HMCN1: variants seen among roughly 807,000 people sequenced by gnomAD.
HMCN1 encodes hemicentin-1.
Under a neutral mutation model 625.9 loss-of-function variants are expected in HMCN1, and 321 were observed. The ratio of observed to expected loss-of-function variants is 0.51; its 90% CI spans 0.47 to 0.56. HMCN1 has a LOEUF of 0.56. Among genes scored for constraint, HMCN1 ranks in the 20% least tolerant of loss-of-function variants. The pLI, the probability that HMCN1 is intolerant of heterozygous loss-of-function variation, is 0.00. For missense variants in HMCN1, 6,588 were observed against 6,887.3 expected (o/e 0.96, Z 1.54); for synonymous variants, 2,425 against 2,417.6 (o/e 1.00, Z -0.09).
chr1:185,866,559 C>T (rs1663221475), intron 4 of HMCN1, among the ~76,000 whole-genome samples: 1 of 151,766 alleles, frequency 6.6e-6, no homozygotes, highest in Non-Finnish European at 1.5e-5. Flanking sequence ...CGCCCACCAC[C>T]ACGCCCGGCT....
intron 52 of HMCN1, among the ~76,000 whole-genome samples, chr1:186,072,847 A>G (rs1174448119): frequency 2.0e-5 from 3 of 152,244 alleles, no homozygotes; most frequent in Non-Finnish European, 4.4e-5. Context: ...GTTGGCCTTT[A>G]TTCTGACGGA....
intron 1 of HMCN1, among the ~76,000 whole-genome samples, chr1:185,818,447 A>G (rs1659976550): frequency 6.6e-6 from 1 of 152,158 alleles, no homozygotes; most frequent in South Asian, 2.1e-4. Context: ...AGATTAAGAC[A>G]CCTCAAAACT....
Position 185,805,898 on chromosome 1 carries a change from A to G in HMCN1, c.269-40128A>G, listed in dbSNP as rs551288170. Among the ~76,000 whole-genome samples the G allele has an allele frequency of 1.5e-4, 23 of 152,272 alleles. No individual in the cohort carries two copies. In the East Asian group the frequency reaches 4.1e-3, roughly 27 times the overall value. ...TCTAATCATTACCATTTGGTGCCAC[A>G]TTCATGGTTAGGGCATGGTTCATTT... On this transcript the variant is annotated intron_variant, in intron 1 of 106. Transcript: ENST00000271588.
chr1:186,105,461 C>T (rs1175350994), intron 69 of HMCN1, among the ~76,000 whole-genome samples: 1 of 152,110 alleles, frequency 6.6e-6, no homozygotes, highest in Non-Finnish European at 1.5e-5. Flanking sequence ...TTGCAAATTG[C>T]GAATTGTGTG....
rs142838458 is a variant in HMCN1 at position 185,826,590 on chromosome 1, G to C, written c.269-19436G>C. On this transcript the variant is annotated intron_variant, in intron 1 of 106. Transcript: ENST00000271588. ...AGGTGCACCAACTTTCTCAGACCCA[G>C]TTGGTTCTGAGCAGTAAAAAAGATG... 9.2e-5 allele frequency among the ~76,000 whole-genome samples: 14 copies of C among 152,284 alleles called. No individual in the cohort carries two copies. In the East Asian group the frequency reaches 2.1e-3, roughly 23 times the overall value.
At chr1:185,771,225 C>T (rs1487341355) in intron 1 of HMCN1, among the ~76,000 whole-genome samples, 2 of 152,146 alleles carry the variant, frequency 1.3e-5, no homozygotes, top group Non-Finnish European at 2.9e-5. Context: ...GCATCATGCC[C>T]AGCAGGCTAA....
chr1:185,993,928 T>C (rs1447886672), intron 23 of HMCN1, among the ~76,000 whole-genome samples: 1 of 152,082 alleles, frequency 6.6e-6, no homozygotes, highest in East Asian at 1.9e-4. Context: ...ACCACAATTG[T>C]GTCCCCATTG....
intron 105 of HMCN1, among the ~76,000 whole-genome samples, chr1:186,186,262 CTAATT>C (rs1653295640): frequency 6.6e-6 from 1 of 152,148 alleles, no homozygotes; most frequent in Non-Finnish European, 1.5e-5. Flanking sequence ...CTTCTGAAAT[CTAATT>C]TAAAATAGAG....
intron 1 of HMCN1, among the ~76,000 whole-genome samples, chr1:185,741,833 G>A (rs998660178): frequency 3.9e-5 from 6 of 152,198 alleles, no homozygotes; most frequent in African/African-American, 1.4e-4. Flanking sequence ...AATTCAAAGA[G>A]AATGGGAAAA....
chr1:186,083,844 T>G (rs1469111931), intron 57 of HMCN1, among the ~76,000 whole-genome samples: 1 of 152,138 alleles, frequency 6.6e-6, no homozygotes, highest in African/African-American at 2.4e-5. Flanking sequence ...CTTAGCACAG[T>G]GAGTAACACA....
intron 6 of HMCN1, among the ~76,000 whole-genome samples, chr1:185,921,406 T>A (rs1241552939): frequency 6.6e-6 from 1 of 152,208 alleles, no homozygotes; most frequent in African/African-American, 2.4e-5. Flanking sequence ...CAGGGAATAT[T>A]GCGTAGTTTG....
chr1:186,036,208 A>G lies in HMCN1; in HGVS notation c.5750-1726A>G, dbSNP rs112264944. ...TTATTTGTGCTCCTTATCCACTTAG[A>G]TATTTTAATTAAAAATAGTTTTAAC... On this transcript the variant is annotated intron_variant, in intron 36 of 106. Coordinates refer to ENST00000271588, the MANE Select transcript of HMCN1 (RefSeq NM_031935.3). 4.0e-4 allele frequency among the ~76,000 whole-genome samples: 61 copies of G among 152,142 alleles called. 1 individual carries two copies. Among genetic ancestry groups the G allele is most frequent in the African/African-American group, 1.7e-4 (7 of 41,426 alleles).
chr1:185,742,167 C>T (rs954040798), intron 1 of HMCN1, among the ~76,000 whole-genome samples: 3 of 152,032 alleles, frequency 2.0e-5, no homozygotes, highest in East Asian at 1.9e-4. Flanking sequence ...CTTGCTCGAC[C>T]GTCTGTTTCT....
chr1:185,897,554 C>T (rs947322680), intron 4 of HMCN1, among the ~76,000 whole-genome samples: 4 of 152,168 alleles, frequency 2.6e-5, no homozygotes, highest in African/African-American at 9.7e-5. Context: ...ATATTGCCTT[C>T]GAACATGTTA....
chr1:185,780,990 G>C (rs915120496), intron 1 of HMCN1, among the ~76,000 whole-genome samples: 9 of 152,032 alleles, frequency 5.9e-5, no homozygotes, highest in Non-Finnish European at 1.5e-5. Flanking sequence ...GACTTTTTTT[G>C]GTTGATAGGC....
chr1:185,928,174 T>C (rs546327515), intron 9 of HMCN1, among the ~76,000 whole-genome samples: 2 of 152,276 alleles, frequency 1.3e-5, no homozygotes, highest in South Asian at 2.1e-4. Flanking sequence ...CCTAATTAAA[T>C]TGCTTTGTCT....
intron 1 of HMCN1, among the ~76,000 whole-genome samples, chr1:185,822,446 C>T (rs1421238892): frequency 6.6e-6 from 1 of 152,050 alleles, no homozygotes; most frequent in Non-Finnish European, 1.5e-5. Flanking sequence ...CCCAAAACAC[C>T]CAAACTGAGT....
chr1:186,171,213 T>A, intron 100 of HMCN1, 124 bp from the exon 101 acceptor site: 1 of 729,422 alleles, frequency 1.4e-6, no homozygotes, highest in Non-Finnish European at 2.4e-6. Context: ...GAGTGCAATA[T>A]ATTGGATAGG....
At chr1:185,913,616 C>G (rs1666544907) in intron 6 of HMCN1, among the ~76,000 whole-genome samples, 1 of 152,104 alleles carries the variant, frequency 6.6e-6, no homozygotes, top group Admixed American at 6.6e-5. Flanking sequence ...CACGTGAGGC[C>G]ATTCTTCCAT....
Sources: allele counts gnomAD v4.1 joint callset (sites outside exome capture counted in the v4.1 genomes callset), GRCh38; gene constraint gnomAD v4.1.1; transcripts MANE v1.5; gene names NCBI Gene and HGNC (gene_info 2026-07-23, HGNC 2026-07-21).